HIBCH: variants seen among roughly 807,000 people sequenced by gnomAD.
The protein encoded by HIBCH is 3-hydroxyisobutyryl-CoA hydrolase, mitochondrial.
A neutral mutation model predicts 58.2 loss-of-function variants in HIBCH; 50 were observed. That is an observed-to-expected ratio of 0.86 (90% confidence interval 0.68 to 1.09). The LOEUF (loss-of-function observed/expected upper bound fraction) is 1.09. Among genes scored for constraint, HIBCH ranks in the 50% least tolerant of loss-of-function variants. HIBCH has a pLI of 0.00. For synonymous variants in HIBCH, 151 were observed against 146.9 expected, an observed-to-expected ratio of 1.03 and a Z score of -0.20; for missense variants, 450 against 449.7, an observed-to-expected ratio of 1.00 and a Z score of -0.01.
At chr2:190,293,023 T>C (rs1452946857) in intron 4 of HIBCH, among the ~76,000 whole-genome samples, 1 of 152,244 alleles carries the variant, frequency 6.6e-6, no homozygotes, top group Non-Finnish European at 1.5e-5. Flanking sequence ...ACAATAATTC[T>C]ACAACTTGTA....
In HIBCH at chr2:190,296,930, T is replaced by G; in HGVS notation, c.102A>C (p.Ala34=). ...HHLRMSKHTD[A]AEEVLLEKKG... ...TTTTTTCCAATAGCACCTCTTCTGC[T>G]GCATCTGTGTGCTTGGACATTCTCT... Residue 34 remains alanine, a synonymous_variant, in exon 3 of 14, where the codon GCA becomes GCC. Coordinates refer to ENST00000359678, the MANE Select transcript of HIBCH (RefSeq NM_014362.4). 6.2e-7 allele frequency: 1 copy of G among 1,614,158 alleles called. No individual in the cohort carries two copies. Among genetic ancestry groups the G allele is most frequent in the Non-Finnish European group, 8.5e-7 (1 of 1,180,004 alleles).
Position 190,204,915 on chromosome 2 carries a change from T to G in HIBCH, c.*202A>C. The G allele has an allele frequency of 1.7e-6, 1 of 576,246 alleles. No homozygotes were observed. Among genetic ancestry groups the G allele is most frequent in the Non-Finnish European group, 3.1e-6 (1 of 321,880 alleles). The allele number at this position is 576,246 out of a possible 1,614,324, so 35.7% of individuals were successfully genotyped here. ...TATATAAACAGATGAGTATAGCTAG[T>G]TCCAATAAAGCTTTATTTGTGAATT... On this transcript the variant is annotated 3_prime_UTR_variant, in exon 14 of 14. Transcript: ENST00000359678.
chr2:190,269,041 G>A (rs550634527), intron 6 of HIBCH, among the ~76,000 whole-genome samples: 2 of 152,250 alleles, frequency 1.3e-5, no homozygotes, highest in South Asian at 4.1e-4. Context: ...GCAGAAAACA[G>A]AAACTGGACC....
chr2:190,193,061 A>C (rs1425865880), intron 1 of HIBCH, among the ~76,000 whole-genome samples: 1 of 152,124 alleles, frequency 6.6e-6, no homozygotes, highest in Non-Finnish European at 1.5e-5. Context: ...CATGAGAATG[A>C]CTATTGCTGC....
At chr2:190,192,019 C>T (rs1419990546) in intron 1 of HIBCH, among the ~76,000 whole-genome samples, 1 of 151,686 alleles carries the variant, frequency 6.6e-6, no homozygotes, top group African/African-American at 2.4e-5. Flanking sequence ...TTTGGTATCA[C>T]ATCTAAGAAC....
downstream of HIBCH, chr2:190,202,877 G>C (rs764743731): frequency 6.0e-6 from 1 of 167,010 alleles, no homozygotes; most frequent in Non-Finnish European, 1.5e-5. Flanking sequence ...CCCAGTTGTC[G>C]CTTATGTACT....
intron 6 of HIBCH, among the ~76,000 whole-genome samples, chr2:190,262,148 T>C: frequency 7.3e-6 from 1 of 136,760 alleles, no homozygotes; most frequent in Non-Finnish European, 1.5e-5. Flanking sequence ...AAGCTGGTTT[T>C]ATATGCGGTA....
chr2:190,251,687 A>T (rs1470726347), intron 8 of HIBCH: 55 of 190,834 alleles, frequency 2.9e-4, no homozygotes, highest in African/African-American at 7.9e-4. Context: ...TTTTTTTTTA[A>T]AAAAAAAAAA....
chr2:190,226,595 CAAAAAAAAA>C (rs752856547), intron 11 of HIBCH, among the ~76,000 whole-genome samples: 28 of 29,400 alleles, frequency 9.5e-4, no homozygotes, highest in Non-Finnish European at 1.4e-3. Flanking sequence ...AACTCCGTCT[CAAAAAAAAA>C]AAAAAAAAAA....
intron 6 of HIBCH, among the ~76,000 whole-genome samples, chr2:190,283,007 T>A (rs1687744244): frequency 6.6e-6 from 1 of 152,160 alleles, no homozygotes; most frequent in African/African-American, 2.4e-5. Flanking sequence ...AATTGTAGTG[T>A]AAGTTGAGCA....
At chr2:190,305,698 G>C (rs1559063957) in intron 2 of HIBCH, among the ~76,000 whole-genome samples, 1 of 152,090 alleles carries the variant, frequency 6.6e-6, no homozygotes, top group South Asian at 2.1e-4. Flanking sequence ...TGAGAGGTAC[G>C]TAAGAACTCT....
chr2:190,277,733 C>G (rs997794706), intron 6 of HIBCH, among the ~76,000 whole-genome samples: 1 of 152,082 alleles, frequency 6.6e-6, no homozygotes, highest in Non-Finnish European at 1.5e-5. Flanking sequence ...CTGATCAGAC[C>G]ACACCCACAG....
intron 11 of HIBCH, 161 bp from the exon 12 acceptor site, chr2:190,213,236 A>G (rs1476728830): frequency 1.6e-6 from 1 of 606,528 alleles, no homozygotes; most frequent in South Asian, 2.0e-5. Flanking sequence ...AAACTTTTCT[A>G]ATCTGCTACA....
At chr2:190,221,327 G>A (rs1441713795) in intron 11 of HIBCH, among the ~76,000 whole-genome samples, 1 of 152,148 alleles carries the variant, frequency 6.6e-6, no homozygotes, top group Non-Finnish European at 1.5e-5. Context: ...TTGTAAAACA[G>A]GCATAATAAT....
chr2:190,199,679 C>T (rs866077852), downstream of HIBCH: 5 of 1,402,070 alleles, frequency 3.6e-6, no homozygotes, highest in South Asian at 6.7e-5. Flanking sequence ...CAAAATGAAA[C>T]CTACCTTCTC....
intron 1 of HIBCH, among the ~76,000 whole-genome samples, chr2:190,319,499 G>A (rs1215297462): frequency 6.6e-6 from 1 of 151,042 alleles, no homozygotes; most frequent in South Asian, 2.1e-4. Flanking sequence ...CAGAGTGGCA[G>A]AAAACCAGAG....
intron 6 of HIBCH, among the ~76,000 whole-genome samples, chr2:190,272,140 C>T (rs561153420): frequency 4.6e-5 from 7 of 152,290 alleles, no homozygotes; most frequent in African/African-American, 1.7e-4. Flanking sequence ...CACATACACA[C>T]AGTTAAGGCT....
chr2:190,319,655 T>G, intron 1 of HIBCH, 61 bp downstream of exon 1: 2 of 1,441,238 alleles, frequency 1.4e-6, no homozygotes, highest in Non-Finnish European at 1.9e-6. Context: ...CCCCGGCCCT[T>G]TTCCCACTGT....
Position 190,238,998 on chromosome 2 carries a change from T to C in HIBCH, c.891+5889A>G, listed in dbSNP as rs375713261. Among the ~76,000 whole-genome samples the C allele has an allele frequency of 1.7e-4, 26 of 152,338 alleles. 1 individual carries two copies. The East Asian group carries it at 2.9e-3, about 17-fold the overall frequency. ...GATCCTATTTCTCAATTCTGGCTTT[T>C]GTTGCAATTGCTTTTGGTGGTTTAG... is the stretch of plus-strand genomic sequence containing the variant. On this transcript the variant is annotated intron_variant, in intron 11 of 13. Transcript: ENST00000359678.
Sources: gnomAD v4.1 joint callset for allele counts (sites outside exome capture counted in the v4.1 genomes callset) on GRCh38, gnomAD v4.1.1 for gene constraint, MANE v1.5 for transcripts, NCBI Gene and HGNC (gene_info 2026-07-23, HGNC 2026-07-21) for gene names.